The following ZNF385D variants were observed in gnomAD, a reference collection of about 807,000 sequenced individuals.
ZNF385D encodes zinc finger protein 385D.
Under a neutral mutation model 35.8 loss-of-function variants are expected in ZNF385D, and 15 were observed. The ratio of observed to expected loss-of-function variants is 0.42; its 90% confidence interval spans 0.28 to 0.64. The LOEUF is 0.64. Ranked by LOEUF, ZNF385D falls within the 30% of genes least tolerant of loss-of-function variation. The pLI is 0.23. For missense variants in ZNF385D, 474 were observed against 494.6 expected (o/e 0.96, Z 0.39); for synonymous variants, 212 against 186.8 (o/e 1.13, Z -1.10).
intron 3 of ZNF385D, among the ~76,000 whole-genome samples, chr3:22,087,497 GC>G (rs775253293): frequency 1.3e-5 from 2 of 152,096 alleles, no homozygotes; most frequent in Non-Finnish European, 2.9e-5. Flanking sequence ...TCCTTCCTTT[GC>G]CTAGGTCCTG....
intron 2 of ZNF385D, among the ~76,000 whole-genome samples, chr3:22,241,583 A>G (rs2125314457): frequency 6.6e-6 from 1 of 151,238 alleles, no homozygotes; most frequent in Non-Finnish European, 1.5e-5. Context: ...ATTATTTCTA[A>G]GCCAATAGCC....
chr3:21,877,110 T>A (rs1698020441), intron 3 of ZNF385D, among the ~76,000 whole-genome samples: 1 of 152,152 alleles, frequency 6.6e-6, no homozygotes, highest in East Asian at 1.9e-4. Context: ...CTGCCCTAAG[T>A]GACCTGTACA....
At chr3:21,822,882 CT>C (rs1445913337) in intron 3 of ZNF385D, among the ~76,000 whole-genome samples, 1 of 151,484 alleles carries the variant, frequency 6.6e-6, no homozygotes, top group African/African-American at 2.4e-5. Flanking sequence ...GCAAGTAATA[CT>C]GCATAAAATT....
At chr3:21,741,270 G>A (rs981563676) in intron 1 of ZNF385D, among the ~76,000 whole-genome samples, 1 of 152,134 alleles carries the variant, frequency 6.6e-6, no homozygotes, top group Admixed American at 6.5e-5. Context: ...TGCCATAAAC[G>A]AAGTGATTCA....
chr3:21,609,592 A>T (rs2064605125), intron 2 of ZNF385D, among the ~76,000 whole-genome samples: 1 of 152,108 alleles, frequency 6.6e-6, no homozygotes, highest in Non-Finnish European at 1.5e-5. Flanking sequence ...ACCCTTCCCC[A>T]CTAGAAATAG....
intron 2 of ZNF385D, among the ~76,000 whole-genome samples, chr3:22,276,853 A>C (rs192018978): frequency 1.0e-3 from 152 of 152,260 alleles, no homozygotes; most frequent in Non-Finnish European, 1.4e-3. Flanking sequence ...GTACAATTTT[A>C]GTTTCTTTTC....
At chr3:21,672,387 AG>A (rs1445692025) in intron 1 of ZNF385D, among the ~76,000 whole-genome samples, 1 of 151,968 alleles carries the variant, frequency 6.6e-6, no homozygotes, top group African/African-American at 2.4e-5. Context: ...TGGCCTTAGC[AG>A]GTCAACTCAA....
intron 3 of ZNF385D, among the ~76,000 whole-genome samples, chr3:22,137,518 T>C (rs916176712): frequency 7.2e-5 from 11 of 152,148 alleles, no homozygotes; most frequent in African/African-American, 2.7e-4. Flanking sequence ...TGGTTCAACA[T>C]GTGAAAATCA....
intron 2 of ZNF385D, among the ~76,000 whole-genome samples, chr3:21,574,056 G>A (rs1213245893): frequency 6.1e-5 from 3 of 49,344 alleles, no homozygotes; most frequent in East Asian, 4.0e-4. Flanking sequence ...GTGAAACTCC[G>A]TCTCAAAAAA....
chr3:21,874,524 A>T (rs115176355), intron 3 of ZNF385D, among the ~76,000 whole-genome samples: 2,268 of 152,128 alleles, frequency 0.015, 28 homozygotes, highest in South Asian at 0.025. Context: ...CCACTTGATC[A>T]TATGTATGTG....
chr3:21,917,626 C>T (rs1019191663), intron 3 of ZNF385D, among the ~76,000 whole-genome samples: 2 of 152,160 alleles, frequency 1.3e-5, no homozygotes, highest in African/African-American at 4.8e-5. Flanking sequence ...TCTCAGCTTT[C>T]TGCTTCACGT....
At chr3:22,372,533 G>T (rs1177225709) in exon 2 of ZNF385D, 3 of 985,744 alleles carry the variant, frequency 3.0e-6, no homozygotes, top group African/African-American at 3.5e-5. Flanking sequence ...GCTGGCGGCC[G>T]CCCGGCGCCC....
intron 3 of ZNF385D, among the ~76,000 whole-genome samples, chr3:21,772,150 TG>T (rs1359113026): frequency 6.6e-6 from 1 of 151,934 alleles, no homozygotes; most frequent in East Asian, 1.9e-4. Flanking sequence ...GGACAAAATT[TG>T]ATCACATTGG....
intron 3 of ZNF385D, 70 bp downstream of exon 3, chr3:21,564,502 CTT>C (rs2063071481): frequency 2.1e-6 from 2 of 932,574 alleles, no homozygotes; most frequent in Non-Finnish European, 3.1e-6. Flanking sequence ...CTTAAGAAAT[CTT>C]TTCTCCTGCA....
chr3:21,830,596 T>TCCTTC (rs1694927909), intron 3 of ZNF385D, among the ~76,000 whole-genome samples: 1 of 152,190 alleles, frequency 6.6e-6, no homozygotes, highest in African/African-American at 2.4e-5. Flanking sequence ...TTTCCTTCTT[T>TCCTTC]CCTTCCCTTC....
In ZNF385D at chr3:22,109,603, T is replaced by G. The variant is rs551271017; in HGVS notation, c.325+59214A>C. On this transcript the variant is annotated intron_variant, in intron 3 of 5. Coordinates refer to the ZNF385D transcript ENST00000494108. ...GTGAAGAGGATTTGAAACAAATGTC[T>G]CCTATTATTATTGTGTGGGAGTCTA... 5.8e-4 allele frequency among the ~76,000 whole-genome samples: 88 copies of G among 152,246 alleles called. 1 individual carries two copies. Among genetic ancestry groups the G allele is most frequent in the African/African-American group, 2.0e-3 (84 of 41,562 alleles).
intron 2 of ZNF385D, among the ~76,000 whole-genome samples, chr3:22,239,323 C>T (rs904649034): frequency 2.6e-5 from 4 of 151,010 alleles, no homozygotes; most frequent in African/African-American, 9.8e-5. Flanking sequence ...GTAATTACAA[C>T]AGAGACTCTA....
intron 3 of ZNF385D, among the ~76,000 whole-genome samples, chr3:22,088,748 G>A (rs1008009431): frequency 6.6e-6 from 1 of 152,038 alleles, no homozygotes; most frequent in African/African-American, 2.4e-5. Flanking sequence ...CCCAAGATAA[G>A]ACCTTAGTAG....
At chr3:22,202,918 C>A (rs1288421853) in intron 2 of ZNF385D, among the ~76,000 whole-genome samples, 1 of 152,044 alleles carries the variant, frequency 6.6e-6, no homozygotes, top group Non-Finnish European at 1.5e-5. Flanking sequence ...CCACTGTGGG[C>A]TAAAGTGTTT....
Sources: gnomAD v4.1 joint callset for allele counts (sites outside exome capture counted in the v4.1 genomes callset) on GRCh38, gnomAD v4.1.1 for gene constraint, MANE v1.5 for transcripts, NCBI Gene and HGNC (gene_info 2026-07-23, HGNC 2026-07-21) for gene names.